AGBL4: variants seen among roughly 807,000 people sequenced by gnomAD.
AGBL4 encodes the protein AGBL carboxypeptidase 4.
In AGBL4, 58 loss-of-function variants were observed where a neutral mutation model predicts 66.4. The ratio of observed to expected loss-of-function variants is 0.87; its 90% CI spans 0.71 to 1.09. The LOEUF (loss-of-function observed/expected upper bound fraction) is 1.09, where lower values mean the gene tolerates loss of function less well. Ranked by LOEUF, AGBL4 falls within the 50% of genes least tolerant of loss-of-function variation. The pLI is 0.00. For missense variants in AGBL4, 579 were observed against 631.0 expected (o/e 0.92, Z 0.88); for synonymous variants, 234 against 222.9 (o/e 1.05, Z -0.44).
intron 2 of AGBL4, among the ~76,000 whole-genome samples, chr1:49,787,082 CAG>C (rs1469417559): frequency 3.3e-5 from 5 of 152,140 alleles, no homozygotes; most frequent in East Asian, 3.9e-4. Flanking sequence ...AACAGTGAAA[CAG>C]GGGATGAAGC....
At chr1:49,084,022 A>T (rs1043416293) in intron 4 of AGBL4, among the ~76,000 whole-genome samples, 1 of 152,200 alleles carries the variant, frequency 6.6e-6, no homozygotes, top group African/African-American at 2.4e-5. Flanking sequence ...GTTCCCAACA[A>T]GTTCCTCATC....
At chr1:49,433,737 T>TTGGTA (rs1208512738) in intron 3 of AGBL4, among the ~76,000 whole-genome samples, 16 of 152,134 alleles carry the variant, frequency 1.1e-4, no homozygotes, top group Admixed American at 1.0e-3. Flanking sequence ...AGCCAGTTAT[T>TTGGTA]TGGTATATTG....
chr1:48,668,330 A>C (rs140675671), intron 6 of AGBL4, among the ~76,000 whole-genome samples: 32 of 152,248 alleles, frequency 2.1e-4, no homozygotes, highest in Non-Finnish European at 3.8e-4. Context: ...GGATACCAAA[A>C]TGGTCTTTCT....
intron 5 of AGBL4, among the ~76,000 whole-genome samples, chr1:48,975,103 C>G (rs1322445333): frequency 6.6e-6 from 1 of 152,036 alleles, no homozygotes; most frequent in African/African-American, 2.4e-5. Context: ...TCATAAAAAT[C>G]CAGAAGCCTA....
chr1:49,642,533 G>T (rs772086641), intron 3 of AGBL4, among the ~76,000 whole-genome samples: 2 of 151,898 alleles, frequency 1.3e-5, no homozygotes, highest in Non-Finnish European at 2.9e-5. Context: ...AGGTCTGGAG[G>T]TTTCTCTTGA....
chr1:49,982,013 G>A (rs994898650), intron 1 of AGBL4, among the ~76,000 whole-genome samples: 7 of 152,230 alleles, frequency 4.6e-5, no homozygotes, highest in African/African-American at 9.7e-5. Flanking sequence ...CTAATTAAAT[G>A]TTTAGTGAAT....
intron 6 of AGBL4, among the ~76,000 whole-genome samples, chr1:48,722,652 G>C (rs1368122546): frequency 6.6e-6 from 1 of 152,196 alleles, no homozygotes; most frequent in African/African-American, 2.4e-5. Flanking sequence ...CAAAAAGAGA[G>C]AATAGAGGAC....
At chr1:49,120,435 G>C (rs1645628707) in intron 4 of AGBL4, among the ~76,000 whole-genome samples, 1 of 152,122 alleles carries the variant, frequency 6.6e-6, no homozygotes, top group Non-Finnish European at 1.5e-5. Flanking sequence ...CACTTATGAA[G>C]CTTAGTTTGG....
intron 3 of AGBL4, among the ~76,000 whole-genome samples, chr1:49,316,881 A>T (rs1196351152): frequency 6.6e-6 from 1 of 151,896 alleles, no homozygotes; most frequent in Non-Finnish European, 1.5e-5. Context: ...ATTGTGATGC[A>T]TTCAAACAAT....
intron 6 of AGBL4, among the ~76,000 whole-genome samples, chr1:48,854,050 A>C (rs1255288496): frequency 6.6e-6 from 1 of 152,160 alleles, no homozygotes; most frequent in Non-Finnish European, 1.5e-5. Flanking sequence ...ATAAAGTCCT[A>C]GGGGATTTAT....
intron 5 of AGBL4, among the ~76,000 whole-genome samples, chr1:48,971,838 T>C (rs912709427): frequency 1.2e-4 from 19 of 152,256 alleles, no homozygotes; most frequent in Admixed American, 1.2e-3. Context: ...GGCAGTTTGT[T>C]TGGCTTGTGA....
chr1:49,985,797 A>G (rs1180385703), intron 1 of AGBL4, among the ~76,000 whole-genome samples: 1 of 152,160 alleles, frequency 6.6e-6, no homozygotes, highest in Non-Finnish European at 1.5e-5. Context: ...CAATTATACC[A>G]TATTTTACAA....
intron 1 of AGBL4, among the ~76,000 whole-genome samples, chr1:50,016,178 G>C (rs1341285727): frequency 6.6e-6 from 1 of 152,200 alleles, no homozygotes. Context: ...ACTATCAACA[G>C]AGTAATCAGA....
intron 3 of AGBL4, among the ~76,000 whole-genome samples, chr1:49,445,340 A>G (rs1428018993): frequency 1.3e-5 from 2 of 152,078 alleles, no homozygotes; most frequent in South Asian, 2.1e-4. Flanking sequence ...TAAATATTGT[A>G]TCTGCCTGGG....
chr1:49,925,486 G>A (rs1396474701), intron 1 of AGBL4, among the ~76,000 whole-genome samples: 3 of 152,120 alleles, frequency 2.0e-5, no homozygotes. Context: ...CCTTCTCCTT[G>A]AGAAAAGCAA....
chr1:49,006,006 A>C (rs1661760807), intron 5 of AGBL4, among the ~76,000 whole-genome samples: 1 of 152,084 alleles, frequency 6.6e-6, no homozygotes, highest in African/African-American at 2.4e-5. Context: ...GTCTCAAAAA[A>C]AAAAAGGGAG....
At chr1:49,033,459 C>A (rs1039750427) in intron 5 of AGBL4, among the ~76,000 whole-genome samples, 2 of 152,040 alleles carry the variant, frequency 1.3e-5, no homozygotes, top group African/African-American at 2.4e-5. Context: ...AAGAAGAAAG[C>A]GGGAAGGAAC....
chr1:48,667,437 C>T (rs1275005665), intron 6 of AGBL4, among the ~76,000 whole-genome samples: 7 of 152,178 alleles, frequency 4.6e-5, no homozygotes, highest in Admixed American at 1.3e-4. Context: ...CATGTGAGTG[C>T]ATTTGGAAGA....
At chr1:48,738,652 G>A (rs559690432) in intron 6 of AGBL4, among the ~76,000 whole-genome samples, 2 of 152,280 alleles carry the variant, frequency 1.3e-5, no homozygotes, top group African/African-American at 2.4e-5. Flanking sequence ...GAAAATCATA[G>A]AGATGGATGC....
Sources: allele counts gnomAD v4.1 joint callset (sites outside exome capture counted in the v4.1 genomes callset), GRCh38; gene constraint gnomAD v4.1.1; transcripts MANE v1.5; gene names NCBI Gene and HGNC (gene_info 2026-07-23, HGNC 2026-07-21).